RBFOX1: variants seen among roughly 807,000 people sequenced by gnomAD.
RBFOX1 encodes the protein RNA binding fox-1 homolog 1.
RBFOX1 carries 8 observed loss-of-function variants against 57.7 expected under a neutral mutation model. The observed-to-expected ratio is 0.14, with a 90% CI of 0.08 to 0.25. RBFOX1 has a LOEUF of 0.25. Among genes scored for constraint, RBFOX1 ranks in the 10% least tolerant of loss-of-function variants. RBFOX1 has a pLI of 1.00. For missense variants in RBFOX1, 611 were observed against 548.5 expected (o/e 1.11, Z -1.14); for synonymous variants, 326 against 222.4 (o/e 1.47, Z -4.15).
At chr16:5,955,544 A>T (rs1021994668) in intron 4 of RBFOX1, among the ~76,000 whole-genome samples, 1 of 152,156 alleles carries the variant, frequency 6.6e-6, no homozygotes, top group Non-Finnish European at 1.5e-5. Flanking sequence ...GCAAAGGTTT[A>T]TTGAACACCT....
intron 3 of RBFOX1, among the ~76,000 whole-genome samples, chr16:6,903,659 C>G (rs1257935660): frequency 6.6e-6 from 1 of 152,092 alleles, no homozygotes; most frequent in African/African-American, 2.4e-5. Context: ...AGCAGGTGTT[C>G]TCTTTACCTA....
intron 4 of RBFOX1, among the ~76,000 whole-genome samples, chr16:5,881,282 A>G (rs1160920925): frequency 6.6e-6 from 1 of 152,164 alleles, no homozygotes; most frequent in African/African-American, 2.4e-5. Flanking sequence ...TGTTGCATGT[A>G]TTCACTTGGT....
intron 3 of RBFOX1, among the ~76,000 whole-genome samples, chr16:6,963,534 C>T (rs111792994): frequency 1.3e-5 from 2 of 152,166 alleles, no homozygotes; most frequent in African/African-American, 4.8e-5. Flanking sequence ...GAATGACTCA[C>T]TTGCAATGTA....
chr16:7,552,221 A>G (rs780445528), intron 5 of RBFOX1, among the ~76,000 whole-genome samples: 3 of 152,006 alleles, frequency 2.0e-5, no homozygotes, highest in South Asian at 2.1e-4. Flanking sequence ...TTCTTTTTTC[A>G]TAGAATTTTA....
At chr16:6,576,233 A>C (rs1335742243) in intron 2 of RBFOX1, among the ~76,000 whole-genome samples, 1 of 152,298 alleles carries the variant, frequency 6.6e-6, no homozygotes, top group Non-Finnish European at 1.5e-5. Context: ...GTAGCATCTC[A>C]GGGCACAAGG....
At chr16:5,974,142 A>T (rs934089913) in intron 4 of RBFOX1, among the ~76,000 whole-genome samples, 7 of 152,224 alleles carry the variant, frequency 4.6e-5, no homozygotes, top group African/African-American at 1.7e-4. Context: ...ATTGTTCTCT[A>T]TATGGCCGTT....
intron 14 of RBFOX1, among the ~76,000 whole-genome samples, chr16:7,683,770 C>G (rs913304830): frequency 4.6e-5 from 7 of 151,994 alleles, no homozygotes; most frequent in Non-Finnish European, 8.8e-5. Flanking sequence ...TTGGGAAAGC[C>G]TAATGCTTTC....
intron 1 of RBFOX1, among the ~76,000 whole-genome samples, chr16:6,020,362 C>A (rs1228768671): frequency 6.6e-6 from 1 of 152,110 alleles, no homozygotes; most frequent in Non-Finnish European, 1.5e-5. Context: ...CGGCTGCAAG[C>A]GTGCACTCAG....
chr16:6,527,665 C>A (rs2096600060), intron 2 of RBFOX1, among the ~76,000 whole-genome samples: 1 of 151,882 alleles, frequency 6.6e-6, no homozygotes, highest in Admixed American at 6.6e-5. Flanking sequence ...TGTTCAAAGC[C>A]ACATATTTAA....
chr16:5,571,215 CTTTTTTTTTTT>C (rs34409151), intron 2 of RBFOX1, among the ~76,000 whole-genome samples: 2 of 79,830 alleles, frequency 2.5e-5, no homozygotes, highest in Non-Finnish European at 4.4e-5. Context: ...CCATCTTTGA[CTTTTTTTTTTT>C]TTTTTTTTTT....
intron 1 of RBFOX1, among the ~76,000 whole-genome samples, chr16:5,282,935 T>C (rs1242176786): frequency 6.6e-6 from 1 of 152,190 alleles, no homozygotes; most frequent in Non-Finnish European, 1.5e-5. Context: ...CAGGTCTTCA[T>C]GGCAGCCCCA....
intron 1 of RBFOX1, among the ~76,000 whole-genome samples, chr16:6,193,427 A>ATATAT (rs1567651849): frequency 0.016 from 953 of 60,370 alleles, 23 homozygotes; most frequent in Non-Finnish European, 0.024. Context: ...TATATATATA[A>ATATAT]AATTCAGTGA....
intron 1 of RBFOX1, among the ~76,000 whole-genome samples, chr16:6,304,544 G>A (rs1428640510): frequency 6.6e-6 from 1 of 152,004 alleles, no homozygotes; most frequent in Non-Finnish European, 1.5e-5. Context: ...GAGGGGAGAC[G>A]AATGGCTGGG....
intron 1 of RBFOX1, among the ~76,000 whole-genome samples, chr16:6,084,130 C>A (rs539847046): frequency 6.6e-6 from 1 of 152,276 alleles, no homozygotes; most frequent in Non-Finnish European, 1.5e-5. Flanking sequence ...AATAATAATA[C>A]CTCCCTCTTA....
chr16:6,615,479 A>C (rs1356063358), intron 2 of RBFOX1, among the ~76,000 whole-genome samples: 1 of 152,080 alleles, frequency 6.6e-6, no homozygotes, highest in Non-Finnish European at 1.5e-5. Flanking sequence ...CTGAGGCAGA[A>C]GAATTGCTTG....
At chr16:6,171,856 C>T (rs2096962926) in intron 1 of RBFOX1, among the ~76,000 whole-genome samples, 1 of 145,168 alleles carries the variant, frequency 6.9e-6, no homozygotes, top group South Asian at 2.1e-4. Flanking sequence ...GAGTCTCGCT[C>T]TGTCACCCAG....
chr16:6,127,287 A>ATTTT (rs1567518333), intron 1 of RBFOX1, among the ~76,000 whole-genome samples: 10 of 151,278 alleles, frequency 6.6e-5, no homozygotes, highest in African/African-American at 2.4e-4. Flanking sequence ...CTTTTTTTAA[A>ATTTT]AAAAAAAAAA....
intron 4 of RBFOX1, among the ~76,000 whole-genome samples, chr16:7,369,977 G>C (rs2097537679): frequency 6.6e-6 from 1 of 152,162 alleles, no homozygotes; most frequent in African/African-American, 2.4e-5. Flanking sequence ...TCAGAGCCTT[G>C]AGCTAGGCTT....
At chr16:7,555,419 A>G (rs2088046087) in intron 5 of RBFOX1, among the ~76,000 whole-genome samples, 1 of 152,200 alleles carries the variant, frequency 6.6e-6, no homozygotes, top group Non-Finnish European at 1.5e-5. Flanking sequence ...TGATAAATGC[A>G]CGTAGTTGGG....
Sources: allele counts gnomAD v4.1 joint callset (sites outside exome capture counted in the v4.1 genomes callset), GRCh38; gene constraint gnomAD v4.1.1; transcripts MANE v1.5; gene names NCBI Gene and HGNC (gene_info 2026-07-23, HGNC 2026-07-21).